Variants in NCOA7 observed in about 807,000 individuals in gnomAD.
NCOA7 encodes the protein nuclear receptor coactivator 7.
In NCOA7, 45 loss-of-function variants were observed where a neutral mutation model predicts 104.3. The ratio of observed to expected loss-of-function variants is 0.43; its 90% CI spans 0.34 to 0.55. The LOEUF (loss-of-function observed/expected upper bound fraction) is 0.55, where lower values mean the gene tolerates loss of function less well. Ranked by LOEUF, NCOA7 falls within the 20% of genes least tolerant of loss-of-function variation. The probability of loss-of-function intolerance (pLI) is 0.02; values close to 1 mark genes in which losing one functional copy is unlikely to be tolerated. For synonymous variants in NCOA7, 398 were observed against 402.3 expected (o/e 0.99, Z 0.13); for missense variants, 1,041 against 1,119.7 (o/e 0.93, Z 1.00).
chr6:125,827,975 T>C (rs1778809512), intron 2 of NCOA7, among the ~76,000 whole-genome samples: 3 of 152,206 alleles, frequency 2.0e-5, no homozygotes, highest in African/African-American at 7.2e-5. Flanking sequence ...TCTCAAGAAT[T>C]TAATACGTTA....
intron 1 of NCOA7, chr6:125,797,954 CA>C (rs749757711): frequency 2.0e-5 from 3 of 152,114 alleles, no homozygotes; most frequent in Admixed American, 6.6e-5. Flanking sequence ...AGAATATTCA[CA>C]AAACAGGAAC....
intron 10 of NCOA7, chr6:125,899,967 C>G (rs760496760): frequency 3.8e-6 from 2 of 532,198 alleles, no homozygotes; most frequent in Non-Finnish European, 7.7e-6. Flanking sequence ...AGCTGAGGGT[C>G]CATTTCCACT....
At chr6:125,840,868 G>GCTTTTTTTTTTTTTTTTTTTTT in intron 2 of NCOA7, among the ~76,000 whole-genome samples, 1 of 40,340 alleles carries the variant, frequency 2.5e-5, no homozygotes, top group Non-Finnish European at 4.3e-5. Flanking sequence ...TGTTTGGTTG[G>GCTTTTTTTTTTTTTTTTTTTTT]TTTTTTTTTT....
chr6:125,818,566 G>T (rs779174981), intron 2 of NCOA7, among the ~76,000 whole-genome samples: 2 of 152,066 alleles, frequency 1.3e-5, no homozygotes, highest in African/African-American at 2.4e-5. Context: ...AGAAGAGGGG[G>T]TAGGAGCAGG....
chr6:125,919,454 G>A (rs758277060), intron 11 of NCOA7: 1 of 1,609,108 alleles, frequency 6.2e-7, no homozygotes, highest in African/African-American at 1.3e-5. Context: ...GCGTCCCGAG[G>A]GCTAATAAGG....
chr6:125,892,279 C>G (rs541887526), intron 10 of NCOA7, among the ~76,000 whole-genome samples: 2 of 152,054 alleles, frequency 1.3e-5, no homozygotes, highest in Non-Finnish European at 2.9e-5. Flanking sequence ...CAAGGACTCT[C>G]GTAGAATAAT....
chr6:125,899,341 G>A (rs1785297810), intron 10 of NCOA7, among the ~76,000 whole-genome samples: 1 of 152,186 alleles, frequency 6.6e-6, no homozygotes, highest in Admixed American at 6.5e-5. Context: ...AAGTCACCTT[G>A]CTTCTACTGG....
At chr6:125,850,685 A>G (rs938846715) in intron 2 of NCOA7, among the ~76,000 whole-genome samples, 1 of 152,232 alleles carries the variant, frequency 6.6e-6, no homozygotes, top group African/African-American at 2.4e-5. Context: ...CTCAGGCTGC[A>G]TAGAACTAAT....
intron 1 of NCOA7, among the ~76,000 whole-genome samples, chr6:125,782,121 T>C (rs1774254742): frequency 6.6e-6 from 1 of 152,244 alleles, no homozygotes; most frequent in Non-Finnish European, 1.5e-5. Context: ...TAATTACATT[T>C]TTAAATGAGA....
rs1788457120 is a variant in NCOA7 at position 125,931,367 on chromosome 6, G to A, written c.*2596G>A. 1.3e-5 allele frequency: 2 copies of A among 152,114 alleles called. No homozygotes were observed. Among genetic ancestry groups the A allele is most frequent in the African/African-American group, 2.4e-5 (1 of 41,418 alleles). The allele number at this position is 152,114 out of a possible 1,614,324, so 9.4% of individuals were successfully genotyped here. On this transcript the variant is annotated 3_prime_UTR_variant, in exon 16 of 16. Coordinates refer to ENST00000392477, the MANE Select transcript of NCOA7 (RefSeq NM_181782.5). ...AGTCTCTTCTAATCTTTCTAGCTGTGCAATGAATGACAACCTCCTCCTCTT... is the reference window on the plus strand; with the variant it reads ...AGTCTCTTCTAATCTTTCTAGCTGTACAATGAATGACAACCTCCTCCTCTT...
At chr6:125,791,656 ATTG>A (rs1364750581) in intron 1 of NCOA7, among the ~76,000 whole-genome samples, 1 of 152,104 alleles carries the variant, frequency 6.6e-6, no homozygotes, top group Non-Finnish European at 1.5e-5. Flanking sequence ...AGGCTGGGAT[ATTG>A]TTGTGCTGAG....
At chr6:125,890,491 G>A in intron 9 of NCOA7, 151 bp from the exon 10 acceptor site, 2 of 743,368 alleles carry the variant, frequency 2.7e-6, no homozygotes, top group South Asian at 5.5e-5. Context: ...AAGAAGGCTT[G>A]AAAAATTTAT....
In NCOA7 at chr6:125,928,174, G is replaced by A. The variant is rs200802693; in HGVS notation, c.2620G>A (p.Val874Ile). Residue 874 changes from valine (V) to isoleucine (I), a missense_variant and splice_region_variant, in exon 15 of 16, where the codon GTC (valine) becomes ATC (isoleucine). Physicochemically the swap from Val to Ile is conservative, Grantham distance 29. Coordinates refer to ENST00000392477, the MANE Select transcript of NCOA7 (RefSeq NM_181782.5). ...FLYTFSPHFK[V>I]FKWSGENSYF... Reference sequence around the variant, plus strand: ...TTCTTTTTTGTGTTTCTTCCCCAAGGTCTTTAAGTGGAGTGGAGAAAATTC... The same window carrying A: ...TTCTTTTTTGTGTTTCTTCCCCAAGATCTTTAAGTGGAGTGGAGAAAATTC... 6.2e-7 allele frequency: 1 copy of A among 1,611,114 alleles called. No homozygotes were observed.
intron 1 of NCOA7, among the ~76,000 whole-genome samples, chr6:125,794,129 ACAGT>A (rs1438712171): frequency 6.6e-6 from 1 of 152,206 alleles, no homozygotes; most frequent in Non-Finnish European, 1.5e-5. Flanking sequence ...TTTTATTAAT[ACAGT>A]CAGAGGAAAC....
Position 125,855,008 on chromosome 6 carries a change from CCT to C in NCOA7, c.51-9_51-8del. Reference sequence around the variant, plus strand: ...TCTCCAATGTTTTTTCTTTTTTTTCCCTCTTTCCTAGACTGAAAAAGAAAAAA... The same window carrying C: ...TCTCCAATGTTTTTTCTTTTTTTTCCCTTTCCTAGACTGAAAAAGAAAAAA... On this transcript the variant is annotated splice_polypyrimidine_tract_variant and intron_variant, in intron 2 of 15. Coordinates refer to ENST00000392477, the MANE Select transcript of NCOA7 (RefSeq NM_181782.5). 4 of 1,557,890 alleles carry C rather than the reference CCT, an allele frequency of 2.6e-6. No homozygotes were observed. The highest frequency in any genetic ancestry group is 3.5e-6 in the Non-Finnish European group (4 of 1,156,762).
chr6:125,787,197 T>A (rs967626113), upstream of NCOA7, among the ~76,000 whole-genome samples: 2 of 152,108 alleles, frequency 1.3e-5, no homozygotes, highest in Non-Finnish European at 2.9e-5. Context: ...AGCCTTTCAT[T>A]TGGGCAATGT....
At chr6:125,873,982 G>A (rs566871218) in intron 3 of NCOA7, among the ~76,000 whole-genome samples, 2 of 152,250 alleles carry the variant, frequency 1.3e-5, no homozygotes, top group African/African-American at 4.8e-5. Context: ...CTGACAGTTA[G>A]GTTGAATCAT....
At chr6:125,792,600 CAT>C (rs890592967) in intron 1 of NCOA7, among the ~76,000 whole-genome samples, 1 of 152,012 alleles carries the variant, frequency 6.6e-6, no homozygotes, top group Non-Finnish European at 1.5e-5. Context: ...AGAAATAAAA[CAT>C]GTAGAAGTGT....
At chr6:125,843,187 A>G (rs1437252642) in intron 2 of NCOA7, among the ~76,000 whole-genome samples, 5 of 152,164 alleles carry the variant, frequency 3.3e-5, no homozygotes, top group African/African-American at 9.6e-5. Flanking sequence ...ATGCAATCCT[A>G]AGTGTCCATA....
Sources: allele counts gnomAD v4.1 joint callset (sites outside exome capture counted in the v4.1 genomes callset), GRCh38; gene constraint gnomAD v4.1.1; transcripts MANE v1.5; gene names NCBI Gene and HGNC (gene_info 2026-07-23, HGNC 2026-07-21).